The following ZNF423 variants were observed in gnomAD, a reference collection of about 807,000 sequenced individuals.
The protein encoded by ZNF423 is Ebf-associated zinc finger protein.
A neutral mutation model predicts 95.8 loss-of-function variants in ZNF423; 12 were observed. The ratio of observed to expected loss-of-function variants is 0.13; its 90% CI spans 0.08 to 0.20. ZNF423 has a LOEUF of 0.20. Among genes scored for constraint, ZNF423 ranks in the 10% least tolerant of loss-of-function variants. ZNF423 has a pLI of 1.00. For missense variants in ZNF423, 1,316 were observed against 1,737.1 expected (o/e 0.76, Z 4.31); for synonymous variants, 749 against 711.9 (o/e 1.05, Z -0.83).
Position 49,637,958 on chromosome 16 carries a change from C to T in ZNF423, c.1218G>A (p.Arg406=), listed in dbSNP as rs1162820744. The T allele has an allele frequency of 1.5e-5, 25 of 1,614,144 alleles. No individual in the cohort carries two copies. The highest frequency in any genetic ancestry group is 2.1e-5 in the Non-Finnish European group (25 of 1,180,044). Residue 406 remains arginine (R), a synonymous_variant, in exon 4 of 8, where the codon CGG becomes CGA. Transcript: ENST00000563137. The surrounding 1 kb of genome is among the most constrained non-coding windows in gnomAD (Gnocchi z 5.6). ...LKPLRGQKKM[R]DDGQGWTKVV... ...CCTTGGTCCAGCCCTGCCCGTCATCCCGCATCTTCTTCTGCCCCCGCAGCG... is the reference window on the plus strand; with the variant it reads ...CCTTGGTCCAGCCCTGCCCGTCATCTCGCATCTTCTTCTGCCCCCGCAGCG...
chr16:49,548,502 T>C (rs1230254798), intron 5 of ZNF423, among the ~76,000 whole-genome samples: 1 of 151,768 alleles, frequency 6.6e-6, no homozygotes. Flanking sequence ...AGTTGTAAAT[T>C]ATGTTGCCGT....
intron 5 of ZNF423, among the ~76,000 whole-genome samples, chr16:49,558,482 G>C (rs1342864935): frequency 6.6e-6 from 1 of 152,174 alleles, no homozygotes; most frequent in Admixed American, 6.5e-5. Context: ...AGGATAAGAG[G>C]AGTAGGCCCA....
At chr16:49,808,204 G>A (rs2034695858) in intron 1 of ZNF423, among the ~76,000 whole-genome samples, 1 of 152,036 alleles carries the variant, frequency 6.6e-6, no homozygotes, top group Non-Finnish European at 1.5e-5. Flanking sequence ...TGGGACTACA[G>A]ATGTGCACTA....
chr16:49,739,052 C>A (rs1012768009), intron 2 of ZNF423, among the ~76,000 whole-genome samples: 1 of 152,022 alleles, frequency 6.6e-6, no homozygotes, highest in Non-Finnish European at 1.5e-5. Flanking sequence ...AGAGAAAAAA[C>A]AGAAAAGAAT....
intron 6 of ZNF423, 76 bp from the exon 7 acceptor site, chr16:49,523,815 C>T: frequency 1.7e-6 from 2 of 1,207,520 alleles, no homozygotes; most frequent in Non-Finnish European, 2.4e-6. Context: ...CCCCACAACA[C>T]TCGCAGGCAG....
At chr16:49,645,853 C>T (rs1973152564) in intron 3 of ZNF423, among the ~76,000 whole-genome samples, 1 of 152,220 alleles carries the variant, frequency 6.6e-6, no homozygotes, top group Admixed American at 6.5e-5. Context: ...TCCCTCTTTG[C>T]TCAGCTCTCA....
In ZNF423 at chr16:49,855,084, G is replaced by A. The variant is rs1168712418; in HGVS notation, c.40+651C>T. 2 of 973,496 alleles carry A rather than the reference G, an allele frequency of 2.1e-6. No individual in the cohort carries two copies. The highest frequency in any genetic ancestry group is 2.4e-6 in the Non-Finnish European group (2 of 819,622). The allele number at this position is 973,496 out of a possible 1,614,324, so 60.3% of individuals were successfully genotyped here. A position where few individuals can be genotyped will look rare whatever the true frequency, so the allele number is the denominator to read the frequency against. On this transcript the variant is annotated intron_variant, in intron 1 of 7. Transcript: ENST00000563137. The surrounding 1 kb of genome is among the most constrained non-coding windows in gnomAD (Gnocchi z 4.7). ...GGAGGCTCCCTGCCCGGTGGGCCTC[G>A]GTGGAGGAGGCAGGAAGTGCAGGGG...
chr16:49,854,473 C>T, intron 1 of ZNF423: 1 of 985,464 alleles, frequency 1.0e-6, no homozygotes, highest in Non-Finnish European at 1.2e-6. Context: ...CGCAGGCCTC[C>T]AGGAAATGAA....
chr16:49,605,942 C>T (rs115568971), intron 5 of ZNF423, among the ~76,000 whole-genome samples: 2,730 of 152,258 alleles, frequency 0.018, 73 homozygotes, highest in African/African-American at 0.062. Context: ...GGTGATGGGA[C>T]GAATGAGAAA....
intron 3 of ZNF423, among the ~76,000 whole-genome samples, chr16:49,689,746 G>A (rs2031708477): frequency 6.6e-6 from 1 of 152,156 alleles, no homozygotes; most frequent in Admixed American, 6.5e-5. Context: ...ACCAAGGTCA[G>A]GAACAGGCAG....
intron 3 of ZNF423, among the ~76,000 whole-genome samples, chr16:49,653,433 T>G (rs1973492587): frequency 6.6e-6 from 1 of 152,016 alleles, no homozygotes; most frequent in Admixed American, 6.6e-5. Context: ...TTTAAAACTA[T>G]TAAGTATAGG....
intron 3 of ZNF423, among the ~76,000 whole-genome samples, chr16:49,684,983 C>T (rs544304761): frequency 2.0e-4 from 30 of 152,316 alleles, no homozygotes; most frequent in African/African-American, 6.0e-4. Context: ...CCACCAACAC[C>T]GGCTGATGGC....
chr16:49,720,003 C>A (rs1045273488), intron 3 of ZNF423, among the ~76,000 whole-genome samples: 3 of 152,152 alleles, frequency 2.0e-5, no homozygotes, highest in African/African-American at 7.2e-5. Context: ...TCCAGCCTGG[C>A]CTGAGACCTG....
chr16:49,542,374 T>C (rs1399146158), intron 5 of ZNF423, among the ~76,000 whole-genome samples: 1 of 152,232 alleles, frequency 6.6e-6, no homozygotes, highest in African/African-American at 2.4e-5. Context: ...GATATAATTG[T>C]GCTTGATGCA....
At position 49,638,888 on chromosome 16, in the gene ZNF423, CAG is replaced by C. The variant is rs1162868929; in HGVS notation, c.302-16_302-15del. 1.8e-5 allele frequency: 28 copies of C among 1,590,762 alleles called. No individual in the cohort carries two copies. Among genetic ancestry groups the C allele is most frequent in the Non-Finnish European group, 2.3e-5 (27 of 1,167,428 alleles). On this transcript the variant is annotated splice_polypyrimidine_tract_variant and intron_variant, in intron 3 of 7. Transcript: ENST00000563137. The surrounding 1 kb of genome is among the most constrained non-coding windows in gnomAD (Gnocchi z 5.6). ...CGTCATCACCATCTGCAAGAGAAGG[CAG>C]AGAGGATATTAGAGGCAATTCCCAG...
At chr16:49,832,691 A>T (rs149514581) in intron 1 of ZNF423, among the ~76,000 whole-genome samples, 1 of 152,246 alleles carries the variant, frequency 6.6e-6, no homozygotes, top group Non-Finnish European at 1.5e-5. Flanking sequence ...AACTGAGAGG[A>T]CCCACTGCAA....
intron 1 of ZNF423, among the ~76,000 whole-genome samples, chr16:49,824,304 CCT>C (rs924522287): frequency 3.3e-5 from 5 of 152,184 alleles, no homozygotes; most frequent in African/African-American, 9.6e-5. Flanking sequence ...TTAGAGCCCC[CCT>C]GTCACAGGTA....
intron 5 of ZNF423, among the ~76,000 whole-genome samples, chr16:49,541,121 C>G (rs1301282338): frequency 6.6e-6 from 1 of 152,208 alleles, no homozygotes; most frequent in African/African-American, 2.4e-5. Flanking sequence ...CACCCAGAAC[C>G]TATGCTTCCC....
intron 2 of ZNF423, among the ~76,000 whole-genome samples, chr16:49,776,446 G>A (rs1051491474): frequency 1.3e-5 from 2 of 152,300 alleles, no homozygotes; most frequent in Admixed American, 6.5e-5. Context: ...GCCACCCGGG[G>A]AGGGAAGGAG....
Sources: gnomAD v4.1 joint callset for allele counts (sites outside exome capture counted in the v4.1 genomes callset) on GRCh38, gnomAD v4.1.1 for gene constraint, Gnocchi (gnomAD v3.1) non-coding constraint, MANE v1.5 for transcripts, NCBI Gene and HGNC (gene_info 2026-07-23, HGNC 2026-07-21) for gene names.